The following MALRD1 variants were observed in gnomAD, a reference collection of about 807,000 sequenced individuals.
MALRD1 encodes MAM and LDL receptor class A domain containing 1, also known as MAM and LDL-receptor class A domain-containing protein 1.
Under a neutral mutation model 242.1 loss-of-function variants are expected in MALRD1, and 247 were observed. That is an observed-to-expected ratio of 1.02 (90% CI 0.92 to 1.13). MALRD1 has a LOEUF of 1.13. MALRD1 is among the 50% of genes most tolerant of loss of function. The pLI is 0.00. For missense variants in MALRD1, 2,989 were observed against 2,533.1 expected (o/e 1.18, Z -3.86); for synonymous variants, 995 against 866.6 (o/e 1.15, Z -2.60).
At chr10:19,685,156 A>G (rs1200113187) in intron 36 of MALRD1, among the ~76,000 whole-genome samples, 1 of 152,122 alleles carries the variant, frequency 6.6e-6, no homozygotes, top group Non-Finnish European at 1.5e-5. Context: ...GAGATTGCAC[A>G]TTTTTTACTT....
chr10:19,278,486 TATCC>T (rs1350131875), intron 19 of MALRD1, among the ~76,000 whole-genome samples: 3 of 115,082 alleles, frequency 2.6e-5, no homozygotes, highest in Non-Finnish European at 5.5e-5. Flanking sequence ...TCCATCCATC[TATCC>T]ATCCATCCAT....
chr10:19,587,021 A>G (rs1469683390), intron 33 of MALRD1, among the ~76,000 whole-genome samples: 1 of 152,200 alleles, frequency 6.6e-6, no homozygotes, highest in East Asian at 1.9e-4. Context: ...TTCTTTGACT[A>G]GGAAAGGGAA....
At chr10:19,417,901 T>C (rs1833571148) in intron 28 of MALRD1, among the ~76,000 whole-genome samples, 1 of 152,144 alleles carries the variant, frequency 6.6e-6, no homozygotes, top group Non-Finnish European at 1.5e-5. Context: ...CATCATTTCC[T>C]TATTGTTCAA....
intron 33 of MALRD1, among the ~76,000 whole-genome samples, chr10:19,583,695 T>C (rs1837244569): frequency 6.6e-6 from 1 of 151,950 alleles, no homozygotes; most frequent in South Asian, 2.1e-4. Flanking sequence ...CTTTTTTGGT[T>C]GTGTCTCTGC....
chr10:19,447,305 A>G (rs1437878890), intron 28 of MALRD1, among the ~76,000 whole-genome samples: 3 of 152,218 alleles, frequency 2.0e-5, no homozygotes, highest in African/African-American at 4.8e-5. Flanking sequence ...ATAAACCTCC[A>G]TTCCACATTT....
intron 21 of MALRD1, among the ~76,000 whole-genome samples, chr10:19,304,566 T>G (rs774236663): frequency 2.6e-5 from 4 of 151,850 alleles, no homozygotes; most frequent in East Asian, 1.9e-4. Flanking sequence ...AACTCTAAAT[T>G]TATCAATGTC....
At chr10:19,099,274 G>A (rs995840044) in intron 4 of MALRD1, among the ~76,000 whole-genome samples, 28 of 152,080 alleles carry the variant, frequency 1.8e-4, no homozygotes, top group African/African-American at 6.3e-4. Flanking sequence ...TTGGTAGAAG[G>A]GAAGCCTTGC....
intron 29 of MALRD1, among the ~76,000 whole-genome samples, chr10:19,486,080 A>G (rs1345493625): frequency 2.2e-5 from 3 of 137,046 alleles, no homozygotes; most frequent in Admixed American, 7.3e-5. Context: ...AAAATGTTAA[A>G]GACATTGTGT....
chr10:19,328,131 A>G (rs1460487436), intron 23 of MALRD1, among the ~76,000 whole-genome samples: 1 of 152,144 alleles, frequency 6.6e-6, no homozygotes. Flanking sequence ...GTAATGCTGT[A>G]TTTGTCTTCA....
intron 28 of MALRD1, among the ~76,000 whole-genome samples, chr10:19,406,490 G>A (rs1017550895): frequency 6.6e-6 from 1 of 152,066 alleles, no homozygotes. Flanking sequence ...GCTGGGCCTC[G>A]ATGAGATCCC....
intron 36 of MALRD1, among the ~76,000 whole-genome samples, chr10:19,637,940 A>C (rs1589342601): frequency 6.6e-6 from 1 of 151,868 alleles, no homozygotes; most frequent in South Asian, 2.1e-4. Flanking sequence ...ATCTCTACTA[A>C]AAATACAAAA....
intron 33 of MALRD1, among the ~76,000 whole-genome samples, chr10:19,575,710 G>A (rs1394865512): frequency 2.6e-5 from 4 of 152,112 alleles, no homozygotes; most frequent in African/African-American, 9.7e-5. Context: ...TTTGAAACCA[G>A]TTATTGTCCA....
At chr10:19,277,644 C>T (rs1199665957) in intron 19 of MALRD1, among the ~76,000 whole-genome samples, 6 of 152,162 alleles carry the variant, frequency 3.9e-5, no homozygotes, top group African/African-American at 1.4e-4. Context: ...CTGGGTTTCA[C>T]ATTTTAGAAG....
intron 38 of MALRD1, among the ~76,000 whole-genome samples, chr10:19,696,766 A>G (rs1373942784): frequency 6.6e-6 from 1 of 151,136 alleles, no homozygotes; most frequent in Non-Finnish European, 1.5e-5. Context: ...AAAAAAAAAA[A>G]TTAGCCTGGT....
At chr10:19,359,768 A>T (rs917311346) in intron 26 of MALRD1, among the ~76,000 whole-genome samples, 2 of 22,434 alleles carry the variant, frequency 8.9e-5, no homozygotes, top group African/African-American at 5.1e-4. Flanking sequence ...ATGAAAAAAA[A>T]AATAATTAAA....
chr10:19,440,263 T>G (rs1460889107), intron 28 of MALRD1, among the ~76,000 whole-genome samples: 2 of 152,210 alleles, frequency 1.3e-5, no homozygotes, highest in African/African-American at 4.8e-5. Context: ...TAAAGCTTAT[T>G]GCTATTCTGT....
At chr10:19,203,981 A>C in intron 15 of MALRD1, 101 bp downstream of exon 15, 1 of 1,351,902 alleles carries the variant, frequency 7.4e-7, no homozygotes, top group Non-Finnish European at 1.0e-6. Context: ...AACTACAACA[A>C]ACAGTCAGAT....
chr10:19,226,706 T>G (rs1022060717), intron 18 of MALRD1, among the ~76,000 whole-genome samples: 3 of 151,850 alleles, frequency 2.0e-5, no homozygotes, highest in Non-Finnish European at 4.4e-5. Flanking sequence ...AAGAAATAAG[T>G]GACACCCAAG....
At chr10:19,337,977 G>T (rs1843683219) in intron 24 of MALRD1, among the ~76,000 whole-genome samples, 1 of 151,338 alleles carries the variant, frequency 6.6e-6, no homozygotes, top group Non-Finnish European at 1.5e-5. Context: ...CAGGGGAATT[G>T]CTTGAACCCA....
Sources: allele counts gnomAD v4.1 joint callset (sites outside exome capture counted in the v4.1 genomes callset), GRCh38; gene constraint gnomAD v4.1.1; transcripts MANE v1.5; gene names NCBI Gene and HGNC (gene_info 2026-07-23, HGNC 2026-07-21).